The following MGLL variants were observed in gnomAD, a reference collection of about 807,000 sequenced individuals.
MGLL encodes the protein lysophospholipase homolog.
In MGLL, 7 loss-of-function variants were observed where a neutral mutation model predicts 29.1. That is an observed-to-expected ratio of 0.24 (90% CI 0.14 to 0.45). The LOEUF is 0.45. Ranked by LOEUF, MGLL falls within the 20% of genes least tolerant of loss-of-function variation. MGLL has a pLI of 0.99. For missense variants in MGLL, 356 were observed against 413.6 expected (o/e 0.86, Z 1.21); for synonymous variants, 148 against 168.3 (o/e 0.88, Z 0.93).
chr3:127,772,927 C>T (rs532525673), intron 3 of MGLL, among the ~76,000 whole-genome samples: 6 of 152,312 alleles, frequency 3.9e-5, no homozygotes, highest in South Asian at 4.1e-4. Flanking sequence ...TCACCAGACA[C>T]GGAATCTGTC....
intron 3 of MGLL, among the ~76,000 whole-genome samples, chr3:127,768,423 G>C (rs534591402): frequency 6.6e-6 from 1 of 152,172 alleles, no homozygotes; most frequent in Non-Finnish European, 1.5e-5. Context: ...GCCAAAGCCC[G>C]TGTGTCTAAC....
In MGLL at chr3:127,735,280, A is replaced by G. The variant is rs1469969328; in HGVS notation, c.263-12714T>C. ...TAAGGTTGAATTTCCTTACTTTACA[A>G]CTCAGCAATTCCACACCAGGATATA... On this transcript the variant is annotated intron_variant, in intron 3 of 7. Coordinates refer to ENST00000265052, the MANE Select transcript of MGLL (RefSeq NM_007283.7). Among the ~76,000 whole-genome samples, 4 of 152,242 alleles carry G rather than the reference A, an allele frequency of 2.6e-5. No homozygotes were observed. The East Asian group carries it at 7.7e-4, about 29-fold the overall frequency.
At chr3:127,777,374 T>C (rs1295563201) in intron 3 of MGLL, among the ~76,000 whole-genome samples, 2 of 152,228 alleles carry the variant, frequency 1.3e-5, no homozygotes, top group African/African-American at 4.8e-5. Context: ...ATTCTCTGTG[T>C]CTACCTTACC....
intron 2 of MGLL, among the ~76,000 whole-genome samples, chr3:127,791,592 T>C (rs2077301559): frequency 6.6e-6 from 1 of 152,248 alleles, no homozygotes; most frequent in African/African-American, 2.4e-5. Context: ...CATAATTATA[T>C]CATCTCCAGC....
chr3:127,822,521 T>A, upstream of MGLL: 1 of 606,028 alleles, frequency 1.7e-6, no homozygotes, highest in East Asian at 2.9e-5. Context: ...TCTCCGGGGC[T>A]CCCCTCCCTC....
rs752944056 is a variant in MGLL at position 127,692,171 on chromosome 3, C to G, written c.*27G>C. On this transcript the variant is annotated 3_prime_UTR_variant, in exon 8 of 8. Coordinates refer to ENST00000265052, the MANE Select transcript of MGLL (RefSeq NM_007283.7). ...CCTTCCCCTGCCTGCATCCCCCAGACCATGAGCCGGGCACCGGCCAATGCA... is the reference window on the plus strand; with the variant it reads ...CCTTCCCCTGCCTGCATCCCCCAGAGCATGAGCCGGGCACCGGCCAATGCA... 6.3e-7 allele frequency: 1 copy of G among 1,595,840 alleles called. No homozygotes were observed. The highest frequency in any genetic ancestry group is 8.5e-7 in the Non-Finnish European group (1 of 1,172,162).
At chr3:127,723,020 A>G (rs1010653557) in intron 3 of MGLL, among the ~76,000 whole-genome samples, 5 of 152,252 alleles carry the variant, frequency 3.3e-5, no homozygotes, top group South Asian at 2.1e-4. Flanking sequence ...TGGTACACTC[A>G]GCCCCTCATC....
intron 3 of MGLL, among the ~76,000 whole-genome samples, chr3:127,755,516 G>T (rs900365457): frequency 6.6e-6 from 1 of 152,146 alleles, no homozygotes; most frequent in Non-Finnish European, 1.5e-5. Flanking sequence ...ATGAATGCGT[G>T]TGGGTGGGAG....
chr3:127,800,147 T>C (rs2077450804), intron 2 of MGLL, among the ~76,000 whole-genome samples: 1 of 152,170 alleles, frequency 6.6e-6, no homozygotes, highest in Non-Finnish European at 1.5e-5. Flanking sequence ...ATGACCAGCT[T>C]TGGTGATTGA....
At position 127,761,757 on chromosome 3, in the gene MGLL, G is replaced by A. The variant is rs1351805402; in HGVS notation, c.262+20032C>T. 6.6e-6 allele frequency among the ~76,000 whole-genome samples: 1 copy of A among 152,094 alleles called. No individual in the cohort carries two copies. The highest frequency in any genetic ancestry group is 2.1e-4 in the South Asian group (1 of 4,818). On this transcript the variant is annotated intron_variant, in intron 3 of 7. Transcript: ENST00000265052. The surrounding 1 kb of genome is among the most constrained non-coding windows in gnomAD (Gnocchi z 4.6). ...GGCACGTTCGGCTCCTCGCTTCATC[G>A]GCCGGGCCCTTGGGACCCCAGCTCT...
intron 6 of MGLL, among the ~76,000 whole-genome samples, chr3:127,707,294 G>T (rs16824250): frequency 6.6e-6 from 1 of 152,138 alleles, no homozygotes; most frequent in African/African-American, 2.4e-5. Flanking sequence ...AGTGCATTCC[G>T]CCTGAGTATG....
intron 2 of MGLL, among the ~76,000 whole-genome samples, chr3:127,808,204 C>T (rs577201995): frequency 2.4e-4 from 37 of 152,134 alleles, no homozygotes; most frequent in Non-Finnish European, 3.8e-4. Flanking sequence ...GATTCCCATG[C>T]TTATTGGTTT....
chr3:127,768,240 G>A (rs897176564), intron 3 of MGLL, among the ~76,000 whole-genome samples: 2 of 152,136 alleles, frequency 1.3e-5, no homozygotes, highest in South Asian at 2.1e-4. Context: ...AAATAATAAC[G>A]ATCTTACACA....
At chr3:127,714,449 G>A (rs993471480) in intron 5 of MGLL, among the ~76,000 whole-genome samples, 4 of 152,252 alleles carry the variant, frequency 2.6e-5, no homozygotes, top group South Asian at 2.1e-4. Flanking sequence ...TTCAGGATGA[G>A]GGAATGTGCC....
At chr3:127,817,048 G>A (rs2077770467) in intron 2 of MGLL, among the ~76,000 whole-genome samples, 1 of 152,230 alleles carries the variant, frequency 6.6e-6, no homozygotes, top group South Asian at 2.1e-4. Flanking sequence ...CCAGGTGGGA[G>A]AGGAGGGAGC....
intron 3 of MGLL, among the ~76,000 whole-genome samples, chr3:127,778,510 C>T (rs1238157743): frequency 1.3e-5 from 2 of 152,142 alleles, no homozygotes; most frequent in South Asian, 2.1e-4. Flanking sequence ...GTTGAGTGGA[C>T]CCTGGACTGG....
At chr3:127,742,589 CAAAAAAAAAA>C (rs60743176) in intron 3 of MGLL, among the ~76,000 whole-genome samples, 1 of 70,494 alleles carries the variant, frequency 1.4e-5, no homozygotes, top group Non-Finnish European at 2.5e-5. Context: ...GACTCCGTCC[CAAAAAAAAAA>C]AAAAAAAAAA....
At chr3:127,756,548 G>T (rs975853078) in intron 3 of MGLL, among the ~76,000 whole-genome samples, 1 of 152,160 alleles carries the variant, frequency 6.6e-6, no homozygotes, top group Non-Finnish European at 1.5e-5. Context: ...TGCCCCCATG[G>T]TATGCTGTGG....
intron 2 of MGLL, among the ~76,000 whole-genome samples, chr3:127,802,329 A>T (rs889139753): frequency 7.9e-5 from 12 of 152,216 alleles, no homozygotes; most frequent in African/African-American, 2.9e-4. Context: ...GTGGAGGCCC[A>T]CCGAGGCGGT....
Sources: allele counts gnomAD v4.1 joint callset (sites outside exome capture counted in the v4.1 genomes callset), GRCh38; gene constraint gnomAD v4.1.1; non-coding constraint Gnocchi (gnomAD v3.1); transcripts MANE v1.5; gene names NCBI Gene and HGNC (gene_info 2026-07-23, HGNC 2026-07-21).